The following LIPA variants were observed in gnomAD, a reference collection of about 807,000 sequenced individuals.
LIPA encodes lipase A, lysosomal acid type.
In LIPA, 26 loss-of-function variants were observed where a neutral mutation model predicts 40.6. That is an observed-to-expected ratio of 0.64 (90% CI 0.47 to 0.89). The LOEUF is 0.89. Ranked by LOEUF, LIPA falls within the 40% of genes least tolerant of loss-of-function variation. The pLI is 0.00. For synonymous variants in LIPA, 188 were observed against 168.4 expected (o/e 1.12, Z -0.90); for missense variants, 455 against 479.6 (o/e 0.95, Z 0.48).
chr10:89,276,050 C>A (rs1843287603), intron 1 of LIPA, among the ~76,000 whole-genome samples: 1 of 152,134 alleles, frequency 6.6e-6, no homozygotes, highest in Non-Finnish European at 1.5e-5. Flanking sequence ...GGATGCTAAG[C>A]TTTAAAAGGT....
chr10:89,387,336 A>G (rs568848135), intron 2 of LIPA, among the ~76,000 whole-genome samples: 1 of 151,416 alleles, frequency 6.6e-6, no homozygotes, highest in African/African-American at 2.4e-5. Context: ...AAAAAAAAAA[A>G]TCTATTTTAA....
intron 1 of LIPA, among the ~76,000 whole-genome samples, chr10:89,272,585 G>T (rs975540485): frequency 6.6e-6 from 1 of 152,174 alleles, no homozygotes; most frequent in Non-Finnish European, 1.5e-5. Context: ...ATAATAGAAT[G>T]ATTTATACTC....
chr10:89,383,031 G>T (rs1844175008), intron 2 of LIPA, among the ~76,000 whole-genome samples: 1 of 152,212 alleles, frequency 6.6e-6, no homozygotes, highest in Non-Finnish European at 1.5e-5. Context: ...AGTGTTGAGG[G>T]TGGTGCTGAG....
intron 1 of LIPA, among the ~76,000 whole-genome samples, chr10:89,329,044 C>T (rs75244550): frequency 0.039 from 5,956 of 152,106 alleles, 385 homozygotes; most frequent in African/African-American, 0.13. Flanking sequence ...TATTGACCTC[C>T]TGGAGTTCTT....
At position 89,214,814 on chromosome 10, in the gene LIPA, C is replaced by T. The variant is rs1175478646; in HGVS notation, c.*14G>A. 6.9e-7 allele frequency: 1 copy of T among 1,442,216 alleles called. No homozygotes were observed. The highest frequency in any genetic ancestry group is 9.8e-7 in the Non-Finnish European group (1 of 1,023,910). 89.3% of individuals were successfully genotyped at this position (1,442,216 alleles called of 1,614,324 possible). A position where few individuals can be genotyped will look rare whatever the true frequency, so the allele number is the denominator to read the frequency against. ...TAATCATTGACTTGGTGGTACACAG[C>T]TCAAGTCCAGCTTTCACTGATATTT... On this transcript the variant is annotated 3_prime_UTR_variant, in exon 10 of 10. Transcript: ENST00000336233.
chr10:89,366,124 C>T (rs1229983134), intron 2 of LIPA, among the ~76,000 whole-genome samples: 3 of 152,264 alleles, frequency 2.0e-5, no homozygotes, highest in South Asian at 4.1e-4. Context: ...TCTTTTATTT[C>T]GTTGAGCATT....
chr10:89,282,408 C>T (rs1231061804), intron 1 of LIPA, among the ~76,000 whole-genome samples: 1 of 152,088 alleles, frequency 6.6e-6, no homozygotes, highest in Non-Finnish European at 1.5e-5. Context: ...GAGGCTGAGG[C>T]AGGCAGATTA....
intron 1 of LIPA, chr10:89,332,688 A>C: frequency 6.6e-7 from 1 of 1,523,800 alleles, no homozygotes; most frequent in Non-Finnish European, 9.1e-7. Flanking sequence ...TTCCTGACTT[A>C]TGCTATTTCA....
intron 1 of LIPA, among the ~76,000 whole-genome samples, chr10:89,323,335 T>C (rs1843581679): frequency 6.6e-6 from 1 of 152,140 alleles, no homozygotes; most frequent in South Asian, 2.1e-4. Flanking sequence ...GTCAACATCA[T>C]ACTGAATGGG....
intron 1 of LIPA, chr10:89,339,233 C>T (rs1260471962): frequency 4.3e-6 from 7 of 1,614,166 alleles, no homozygotes; most frequent in African/African-American, 1.3e-5. Context: ...CAGTTCTCTA[C>T]TGATGTTTTG....
At chr10:89,357,750 T>C (rs1843996094) in intron 2 of LIPA, among the ~76,000 whole-genome samples, 1 of 152,316 alleles carries the variant, frequency 6.6e-6, no homozygotes, top group South Asian at 2.1e-4. Flanking sequence ...GGTAGTAAAA[T>C]AAAAGAATTT....
At chr10:89,243,866 C>T (rs910872465) in intron 3 of LIPA, among the ~76,000 whole-genome samples, 1 of 152,058 alleles carries the variant, frequency 6.6e-6, no homozygotes, top group Non-Finnish European at 1.5e-5. Context: ...GAGATGCTTA[C>T]CATCATTTAA....
At chr10:89,386,520 A>G (rs1283070195) in intron 2 of LIPA, among the ~76,000 whole-genome samples, 3 of 152,260 alleles carry the variant, frequency 2.0e-5, no homozygotes, top group Non-Finnish European at 4.4e-5. Context: ...CTTACTTGTA[A>G]CTGCCACAGA....
intron 8 of LIPA, among the ~76,000 whole-genome samples, chr10:89,217,329 A>G (rs1182195519): frequency 6.6e-6 from 1 of 152,242 alleles, no homozygotes; most frequent in Non-Finnish European, 1.5e-5. Flanking sequence ...AATATTTGGC[A>G]TCTGTTTTTG....
chr10:89,253,407 T>C (rs2133482046), upstream of LIPA, among the ~76,000 whole-genome samples: 1 of 152,298 alleles, frequency 6.6e-6, no homozygotes, highest in Non-Finnish European at 1.5e-5. Flanking sequence ...ATTTTCCTCT[T>C]ATAAAACCAT....
At chr10:89,258,487 C>A (rs899502427) in intron 1 of LIPA, among the ~76,000 whole-genome samples, 1 of 151,994 alleles carries the variant, frequency 6.6e-6, no homozygotes, top group Non-Finnish European at 1.5e-5. Flanking sequence ...CGTTTTATAA[C>A]CATGATGAGA....
rs577786208 is a variant in LIPA at position 89,381,514 on chromosome 10, A to G, written c.61+31277T>C. Among the ~76,000 whole-genome samples the G allele has an allele frequency of 6.0e-4, 92 of 152,272 alleles. 1 individual carries two copies. The South Asian group carries it at 0.015, about 25-fold the overall frequency. On this transcript the variant is annotated intron_variant, in intron 2 of 8. Coordinates refer to the LIPA transcript ENST00000371837. ...GCAGTCAACTATACAGTCCTATCCT[A>G]AAGCAATATGCCAGGACTCTCATAT... is the stretch of plus-strand genomic sequence containing the variant.
intron 2 of LIPA, chr10:89,404,527 A>C (rs1430642234): frequency 6.6e-6 from 1 of 152,260 alleles, no homozygotes; most frequent in Non-Finnish European, 1.5e-5. Context: ...CCCCTCATGA[A>C]TATTCATAGC....
intron 1 of LIPA, among the ~76,000 whole-genome samples, chr10:89,272,609 C>T (rs1329233343): frequency 6.6e-6 from 1 of 152,124 alleles, no homozygotes; most frequent in Admixed American, 6.5e-5. Flanking sequence ...TGGGTACATA[C>T]CCGGTAATGG....
Sources: allele counts gnomAD v4.1 joint callset (sites outside exome capture counted in the v4.1 genomes callset), GRCh38; gene constraint gnomAD v4.1.1; transcripts MANE v1.5; gene names NCBI Gene and HGNC (gene_info 2026-07-23, HGNC 2026-07-21).